The following COL19A1 variants were observed in gnomAD, a reference collection of about 807,000 sequenced individuals.
COL19A1 encodes the protein collagen alpha-1(XIX) chain.
A neutral mutation model predicts 190.2 loss-of-function variants in COL19A1; 159 were observed. The ratio of observed to expected loss-of-function variants is 0.84; its 90% CI spans 0.73 to 0.95. The LOEUF is 0.95. Among genes scored for constraint, COL19A1 ranks in the 40% least tolerant of loss-of-function variants. COL19A1 has a pLI of 0.00. For synonymous variants in COL19A1, 509 were observed against 458.9 expected (o/e 1.11, Z -1.39); for missense variants, 1,418 against 1,431.9 (o/e 0.99, Z 0.16).
intron 49 of COL19A1, among the ~76,000 whole-genome samples, chr6:70,205,428 T>C (rs1583165718): frequency 6.6e-6 from 1 of 152,228 alleles, no homozygotes; most frequent in Non-Finnish European, 1.5e-5. Context: ...CCTCCTGCCA[T>C]GTTCTACTGT....
intron 9 of COL19A1, among the ~76,000 whole-genome samples, chr6:69,940,089 A>G (rs1418217052): frequency 1.3e-5 from 2 of 151,858 alleles, no homozygotes; most frequent in Admixed American, 6.6e-5. Context: ...AAAAAAATCT[A>G]TGTCATAAGT....
chr6:69,876,287 T>C (rs1447413775), intron 1 of COL19A1, among the ~76,000 whole-genome samples: 4 of 152,192 alleles, frequency 2.6e-5, no homozygotes, highest in Admixed American at 6.5e-5. Flanking sequence ...TTAGGAGATG[T>C]CAAGGTCGAA....
At chr6:69,927,081 G>A (rs2150009459) in intron 4 of COL19A1, among the ~76,000 whole-genome samples, 2 of 152,166 alleles carry the variant, frequency 1.3e-5, no homozygotes, top group Middle Eastern at 6.8e-3. Context: ...TTTGAGACTA[G>A]CACATCTGCC....
intron 9 of COL19A1, among the ~76,000 whole-genome samples, chr6:69,951,799 A>T (rs1333826747): frequency 1.3e-5 from 2 of 151,878 alleles, no homozygotes; most frequent in Non-Finnish European, 2.9e-5. Flanking sequence ...TAGGAAACAG[A>T]TCTAGAGAGA....
chr6:70,181,821 C>A (rs149099387), intron 44 of COL19A1, among the ~76,000 whole-genome samples: 1 of 152,144 alleles, frequency 6.6e-6, no homozygotes, highest in African/African-American at 2.4e-5. Context: ...GTCAGAGGAC[C>A]ATTGTTTCAG....
Position 70,062,867 on chromosome 6 carries a change from A to T in COL19A1, c.1171-5556A>T, listed in dbSNP as rs1433935783. On this transcript the variant is annotated intron_variant, in intron 14 of 50. Transcript: ENST00000620364. ...TAAAACAGACTTTAAACCAACAAAG[A>T]TCAAAAGAGACAAAGAAGGCCATTA... 5.3e-5 allele frequency among the ~76,000 whole-genome samples: 8 copies of T among 152,182 alleles called. No homozygotes were observed. The Middle Eastern group carries it at 0.014, about 259-fold the overall frequency.
intron 13 of COL19A1, among the ~76,000 whole-genome samples, chr6:70,035,123 T>C (rs1482864339): frequency 6.6e-6 from 1 of 152,230 alleles, no homozygotes; most frequent in African/African-American, 2.4e-5. Context: ...AGCATCCTGG[T>C]ACCCCACGCT....
chr6:70,173,924 C>T (rs1765652123), intron 41 of COL19A1, among the ~76,000 whole-genome samples: 1 of 152,000 alleles, frequency 6.6e-6, no homozygotes. Flanking sequence ...GGAGAGAGTG[C>T]TGGGCCAATG....
Position 70,027,799 on chromosome 6 carries a change from C to T in COL19A1, c.1080+4119C>T, listed in dbSNP as rs554839130. ...AAATAATTTTGATTGTGGCCTAATA[C>T]AAGATATATTTAACAAAGGTATCTT... On this transcript the variant is annotated intron_variant, in intron 12 of 50. Transcript: ENST00000620364. Among the ~76,000 whole-genome samples the T allele has an allele frequency of 2.0e-5, 3 of 152,166 alleles. No individual in the cohort carries two copies. In the South Asian group the frequency reaches 6.2e-4, roughly 32 times the overall value.
At chr6:69,960,849 T>A (rs1226466623) in intron 10 of COL19A1, among the ~76,000 whole-genome samples, 5 of 152,066 alleles carry the variant, frequency 3.3e-5, no homozygotes, top group Non-Finnish European at 1.5e-5. Context: ...GCCAGGATGG[T>A]CTCGATCTCC....
At chr6:69,930,860 A>G (rs1201026355) in intron 6 of COL19A1, among the ~76,000 whole-genome samples, 1 of 152,114 alleles carries the variant, frequency 6.6e-6, no homozygotes, top group Non-Finnish European at 1.5e-5. Flanking sequence ...GCTAAAGAAT[A>G]TCACGTGAAT....
At chr6:69,930,612 A>G (rs1257800554) in intron 6 of COL19A1, among the ~76,000 whole-genome samples, 1 of 151,920 alleles carries the variant, frequency 6.6e-6, no homozygotes, top group African/African-American at 2.4e-5. Flanking sequence ...AGGTCAGGAG[A>G]TCGAGACCAT....
At chr6:70,158,463 T>C (rs1218753646) in intron 34 of COL19A1, among the ~76,000 whole-genome samples, 1 of 152,094 alleles carries the variant, frequency 6.6e-6, no homozygotes, top group East Asian at 1.9e-4. Flanking sequence ...CTAATTATTA[T>C]GTCTTTCATC....
At position 69,883,676 on chromosome 6, in the gene COL19A1, A is replaced by G. The variant is rs190950817; in HGVS notation, c.91+4018A>G. On this transcript the variant is annotated intron_variant, in intron 2 of 50. Transcript: ENST00000620364. ...AAAGAGTATAACAGAACTCGTTTAC[A>G]TTTATTTTGCACGATGACTGTAACT... is the stretch of plus-strand genomic sequence containing the variant. Among the ~76,000 whole-genome samples, 219 of 152,286 alleles carry G rather than the reference A, an allele frequency of 1.4e-3. 2 individuals are homozygous for G. Among genetic ancestry groups the G allele is most frequent in the African/African-American group, 5.1e-3 (210 of 41,564 alleles).
At chr6:70,060,442 A>G (rs1246908940) in intron 14 of COL19A1, among the ~76,000 whole-genome samples, 1 of 152,116 alleles carries the variant, frequency 6.6e-6, no homozygotes, top group Non-Finnish European at 1.5e-5. Flanking sequence ...ACCGGACCAC[A>G]TAGCAGGAGG....
At chr6:70,100,306 G>A (rs540496827) in intron 15 of COL19A1, among the ~76,000 whole-genome samples, 14 of 152,062 alleles carry the variant, frequency 9.2e-5, no homozygotes, top group Admixed American at 5.2e-4. Context: ...CCTCAGAGGC[G>A]AATTTACTTA....
chr6:70,003,545 C>A (rs1777408231), intron 11 of COL19A1, among the ~76,000 whole-genome samples: 1 of 152,128 alleles, frequency 6.6e-6, no homozygotes, highest in Admixed American at 6.5e-5. Flanking sequence ...TTTTATGAAT[C>A]TGCGTGCTCC....
At chr6:70,075,697 T>A (rs528568946) in intron 15 of COL19A1, among the ~76,000 whole-genome samples, 2,314 of 152,070 alleles carry the variant, frequency 0.015, 36 homozygotes, top group Middle Eastern at 0.065. Context: ...TGTCTCCTTG[T>A]GGTAAATTTC....
chr6:69,991,859 A>C (rs76205204), intron 11 of COL19A1, among the ~76,000 whole-genome samples: 12,727 of 152,018 alleles, frequency 0.084, 601 homozygotes, highest in East Asian at 0.2. Context: ...CTCTGTGAAT[A>C]GTATTTTTTG....
Sources: gnomAD v4.1 joint callset for allele counts (sites outside exome capture counted in the v4.1 genomes callset) on GRCh38, gnomAD v4.1.1 for gene constraint, MANE v1.5 for transcripts, NCBI Gene and HGNC (gene_info 2026-07-23, HGNC 2026-07-21) for gene names.